The following TMEM242 variants were observed in gnomAD, a reference collection of about 807,000 sequenced individuals.
TMEM242 encodes UPF0463 transmembrane protein C6orf35.
A neutral mutation model predicts 18.2 loss-of-function variants in TMEM242; 10 were observed. The observed-to-expected ratio is 0.55, with a 90% CI of 0.34 to 0.93. The LOEUF (loss-of-function observed/expected upper bound fraction) is 0.93, where lower values mean the gene tolerates loss of function less well. TMEM242 is among the 40% of genes least tolerant of loss of function. The pLI, the probability that TMEM242 is intolerant of heterozygous loss-of-function variation, is 0.02. For missense variants in TMEM242, 186 were observed against 175.5 expected, an observed-to-expected ratio of 1.06 and a Z score of -0.34; for synonymous variants, 57 against 69.9, an observed-to-expected ratio of 0.81 and a Z score of 0.92.
chr6:157,293,022 T>C, intron 3 of TMEM242, 23 bp from the exon 4 acceptor site: 1 of 1,571,558 alleles, frequency 6.4e-7, no homozygotes, highest in Non-Finnish European at 8.8e-7. Flanking sequence ...AAATAATCAG[T>C]TATCAAATGT....
intron 3 of TMEM242, among the ~76,000 whole-genome samples, chr6:157,296,318 A>G (rs1021744336): frequency 2.6e-5 from 4 of 152,116 alleles, no homozygotes; most frequent in Non-Finnish European, 4.4e-5. Flanking sequence ...ATTTTCCTAT[A>G]CTATGGATAA....
intron 3 of TMEM242, among the ~76,000 whole-genome samples, chr6:157,311,092 A>T (rs143448837): frequency 0.027 from 598 of 22,022 alleles, 48 homozygotes; most frequent in African/African-American, 0.071. Context: ...ACACCTAGCC[A>T]CATCATAGTG....
chr6:157,292,981 T>C lies in TMEM242; in HGVS notation c.346A>G (p.Lys116Glu). The C allele has an allele frequency of 6.2e-7, 1 of 1,613,680 alleles. No individual in the cohort carries two copies. Among genetic ancestry groups the C allele is most frequent in the Non-Finnish European group, 8.5e-7 (1 of 1,179,566 alleles). The change falls in exon 4 of 4, where the codon AAA becomes GAA. Residue 116 changes from lysine to glutamate, a missense_variant. Physicochemically the swap from Lys to Glu is moderately conservative, Grantham distance 56. Coordinates refer to ENST00000400788, the MANE Select transcript of TMEM242 (RefSeq NM_018452.6). ...ATTGTTGGAAATATTGATTGCATTT[T>C]ACTTCGAAAGTCGTTCATCTAAAAG... is the stretch of plus-strand genomic sequence containing the variant. ...GVHSMNDFRS[K>E]MQSIFPTIPK...
chr6:157,294,630 G>A (rs928240514), intron 3 of TMEM242, among the ~76,000 whole-genome samples: 5 of 152,174 alleles, frequency 3.3e-5, no homozygotes, highest in Admixed American at 6.5e-5. Context: ...GATTACAGGC[G>A]TGAACCACCG....
rs1778516810 is a variant in TMEM242 at position 157,322,794 on chromosome 6, G to A, written c.100C>T (p.Leu34Phe). 6.2e-7 allele frequency: 1 copy of A among 1,613,006 alleles called. No individual in the cohort carries two copies. Among genetic ancestry groups the A allele is most frequent in the Non-Finnish European group, 8.5e-7 (1 of 1,179,706 alleles). ...RLFLVKGGIF[L>F]GTVAAAGMLA... ...ATTCCCGCTGCAGCAACGGTACCAA[G>A]GAAAATTCCACCTGCCAAGAGTTTC... is the stretch of plus-strand genomic sequence containing the variant. The change falls in exon 2 of 4, where the codon CTT (leucine) becomes TTT (phenylalanine). Residue 34 changes from leucine (L) to phenylalanine (F), a missense_variant. Coordinates refer to ENST00000400788, the MANE Select transcript of TMEM242 (RefSeq NM_018452.6).
At chr6:157,310,191 G>A (rs1339667940) in intron 3 of TMEM242, among the ~76,000 whole-genome samples, 5 of 152,162 alleles carry the variant, frequency 3.3e-5, no homozygotes, top group Admixed American at 1.3e-4. Context: ...GTAAACAAGT[G>A]TAAAAGTCAC....
chr6:157,314,321 T>C (rs587666017), intron 3 of TMEM242, among the ~76,000 whole-genome samples: 215 of 152,004 alleles, frequency 1.4e-3, no homozygotes, highest in African/African-American at 5.0e-3. Flanking sequence ...CTCATCATAG[T>C]GTCCCAGTGT....
At position 157,292,226 on chromosome 6, in the gene TMEM242, C is replaced by T. The variant is rs201935784; in HGVS notation, c.*675G>A. ...AAAAAAATATGTTTACCCCTGATATCATCATTATTTTAGCCCAACTGTGCC... is the reference window on the plus strand; with the variant it reads ...AAAAAAATATGTTTACCCCTGATATTATCATTATTTTAGCCCAACTGTGCC... On this transcript the variant is annotated 3_prime_UTR_variant, in exon 4 of 4. Coordinates refer to ENST00000400788, the MANE Select transcript of TMEM242 (RefSeq NM_018452.6). The T allele has an allele frequency of 1.0e-5, 1 of 99,042 alleles. No individual in the cohort carries two copies. Among genetic ancestry groups the T allele is most frequent in the Non-Finnish European group, 2.5e-5 (1 of 40,388 alleles). The allele number at this position is 99,042 out of a possible 1,614,324, so 6.1% of individuals were successfully genotyped here. A position where few individuals can be genotyped will look rare whatever the true frequency, so the allele number is the denominator to read the frequency against.
At chr6:157,314,367 C>CGCTAA (rs1778344292) in intron 3 of TMEM242, among the ~76,000 whole-genome samples, 1 of 54,114 alleles carries the variant, frequency 1.8e-5, no homozygotes, top group East Asian at 4.2e-4. Context: ...TCCCAGCATG[C>CGCTAA]ATTCCCATGA....
At chr6:157,311,348 G>T (rs868970855) in intron 3 of TMEM242, among the ~76,000 whole-genome samples, 2 of 130,836 alleles carry the variant, frequency 1.5e-5, no homozygotes, top group Non-Finnish European at 1.7e-5. Flanking sequence ...GTGTCCCAGT[G>T]TGCGCTCACC....
chr6:157,311,291 GA>G (rs1778071601), intron 3 of TMEM242, among the ~76,000 whole-genome samples: 1 of 3,748 alleles, frequency 2.7e-4, no homozygotes. Flanking sequence ...TGCACACACC[GA>G]GCCTCATTAT....
At chr6:157,311,296 T>G (rs1554248720) in intron 3 of TMEM242, among the ~76,000 whole-genome samples, 6 of 149,940 alleles carry the variant, frequency 4.0e-5, no homozygotes, top group Non-Finnish European at 8.9e-5. Flanking sequence ...ACACCGAGCC[T>G]CATTATAGTG....
At chr6:157,310,572 C>G (rs1554248330) in intron 3 of TMEM242, among the ~76,000 whole-genome samples, 2 of 147,316 alleles carry the variant, frequency 1.4e-5, no homozygotes, top group Admixed American at 1.3e-4. Flanking sequence ...CATAGTGCCC[C>G]AGTGTGCGCT....
rs1777665127 is a variant in TMEM242, at chr6:157,290,023, A to G, written c.*2878T>C. On this transcript the variant is annotated 3_prime_UTR_variant, in exon 4 of 4. Coordinates refer to ENST00000400788, the MANE Select transcript of TMEM242 (RefSeq NM_018452.6). ...TCCACTCTCAGGTTGTCCTGAACCCACACTTTCTTGACTCTGAATATAACA... is the reference window on the plus strand; with the variant it reads ...TCCACTCTCAGGTTGTCCTGAACCCGCACTTTCTTGACTCTGAATATAACA... 6.6e-6 allele frequency: 1 copy of G among 152,172 alleles called. No homozygotes were observed. Among genetic ancestry groups the G allele is most frequent in the South Asian group, 2.1e-4 (1 of 4,832 alleles). 9.4% of individuals were successfully genotyped at this position (152,172 alleles called of 1,614,324 possible).
chr6:157,308,973 A>G (rs1044343369), intron 3 of TMEM242, among the ~76,000 whole-genome samples: 4 of 152,238 alleles, frequency 2.6e-5, no homozygotes, highest in South Asian at 2.1e-4. Flanking sequence ...CAGGTTCCCT[A>G]TGGTATTTAA....
At chr6:157,309,611 A>G (rs2128414192) in intron 3 of TMEM242, among the ~76,000 whole-genome samples, 1 of 152,198 alleles carries the variant, frequency 6.6e-6, no homozygotes, top group South Asian at 2.1e-4. Flanking sequence ...GGCTAATCTC[A>G]AATTCCTAGA....
At chr6:157,301,655 T>A (rs1777832049) in intron 3 of TMEM242, among the ~76,000 whole-genome samples, 1 of 152,168 alleles carries the variant, frequency 6.6e-6, no homozygotes. Context: ...AGTCCAGGGC[T>A]GGACGCAGTG....
chr6:157,321,977 T>C lies in TMEM242; in HGVS notation c.189+728A>G, dbSNP rs183101906. On this transcript the variant is annotated intron_variant, in intron 2 of 3. Transcript: ENST00000400788. ...AGGGGATCCAAGCACACTTTAAACA[T>C]GGTCTCTTGCCATTATGGTATCGAT... 3.2e-3 allele frequency among the ~76,000 whole-genome samples: 484 copies of C among 152,322 alleles called. 2 individuals carry two copies. Among genetic ancestry groups the C allele is most frequent in the Admixed American group, 3.9e-3 (59 of 15,298 alleles).
intron 3 of TMEM242, chr6:157,299,733 T>G: frequency 6.2e-7 from 1 of 1,604,742 alleles, no homozygotes; most frequent in East Asian, 2.2e-5. Context: ...TCTGTGATAA[T>G]CACTAGGCTG....
Sources: gnomAD v4.1 joint callset for allele counts (sites outside exome capture counted in the v4.1 genomes callset) on GRCh38, gnomAD v4.1.1 for gene constraint, MANE v1.5 for transcripts, NCBI Gene and HGNC (gene_info 2026-07-23, HGNC 2026-07-21) for gene names.